Variants in AATF observed in about 807,000 individuals in gnomAD.
AATF encodes protein AATF.
In AATF, 48 loss-of-function variants were observed where a neutral mutation model predicts 63.7. The ratio of observed to expected loss-of-function variants is 0.75; its 90% CI spans 0.60 to 0.96. The LOEUF is 0.96. Ranked by LOEUF, AATF falls within the 40% of genes least tolerant of loss-of-function variation. The pLI is 0.00. For missense variants in AATF, 639 were observed against 685.7 expected (o/e 0.93, Z 0.76); for synonymous variants, 258 against 247.7 (o/e 1.04, Z -0.39).
intron 5 of AATF, among the ~76,000 whole-genome samples, chr17:36,987,055 G>A (rs972405960): frequency 1.3e-5 from 2 of 152,066 alleles, no homozygotes; most frequent in Admixed American, 1.3e-4. Context: ...TGATGTGATC[G>A]CAGCTCACTG....
intron 4 of AATF, among the ~76,000 whole-genome samples, chr17:36,961,363 T>A (rs868147892): frequency 1.2e-4 from 19 of 152,332 alleles, no homozygotes; most frequent in African/African-American, 4.1e-4. Context: ...TAATTTAAAA[T>A]TTTTTAATAA....
chr17:37,015,774 A>G (rs913769300), intron 8 of AATF, among the ~76,000 whole-genome samples: 1 of 152,156 alleles, frequency 6.6e-6, no homozygotes, highest in Non-Finnish European at 1.5e-5. Context: ...ATAGAATGGG[A>G]TGTTAGCTTT....
chr17:37,049,996 C>T (rs1346777712), intron 11 of AATF, among the ~76,000 whole-genome samples: 1 of 152,076 alleles, frequency 6.6e-6, no homozygotes, highest in Non-Finnish European at 1.5e-5. Context: ...AAATGGAGGG[C>T]TCATAGGAGT....
chr17:36,962,631 G>T (rs1258357103), intron 4 of AATF, among the ~76,000 whole-genome samples: 1 of 151,810 alleles, frequency 6.6e-6, no homozygotes, highest in Non-Finnish European at 1.5e-5. Flanking sequence ...GTGGCCCAGA[G>T]TAGCTCAGAA....
intron 4 of AATF, among the ~76,000 whole-genome samples, chr17:36,964,211 T>G (rs1365618081): frequency 1.4e-5 from 2 of 148,008 alleles, no homozygotes; most frequent in African/African-American, 5.2e-5. Context: ...ATCAGCGTGT[T>G]TGCATGTTGA....
chr17:37,053,780 C>G (rs868509706), intron 11 of AATF, among the ~76,000 whole-genome samples: 6 of 152,186 alleles, frequency 3.9e-5, no homozygotes, highest in African/African-American at 1.4e-4. Context: ...GCAGGAGAAT[C>G]GATTGAACCC....
chr17:36,982,494 C>T (rs1274549958), intron 4 of AATF, among the ~76,000 whole-genome samples: 2 of 152,124 alleles, frequency 1.3e-5, no homozygotes, highest in Non-Finnish European at 2.9e-5. Context: ...GCTGGGACTA[C>T]AGGCACGTGC....
intron 4 of AATF, among the ~76,000 whole-genome samples, chr17:36,970,584 G>A (rs2071032013): frequency 6.7e-6 from 1 of 148,740 alleles, no homozygotes; most frequent in Non-Finnish European, 1.5e-5. Context: ...CCTCTTTTGT[G>A]GAGGCTGAAA....
chr17:37,033,369 C>G (rs935641423), intron 11 of AATF, among the ~76,000 whole-genome samples: 9 of 152,050 alleles, frequency 5.9e-5, no homozygotes, highest in African/African-American at 2.2e-4. Flanking sequence ...TAAACCAAAC[C>G]CTTTAAGGTT....
intron 4 of AATF, among the ~76,000 whole-genome samples, chr17:36,983,409 G>A (rs553691239): frequency 6.6e-6 from 1 of 152,076 alleles, no homozygotes; most frequent in Non-Finnish European, 1.5e-5. Flanking sequence ...GTGCAGTGGT[G>A]CAGTCTTGGC....
At chr17:36,968,223 A>T (rs2411166) in intron 4 of AATF, among the ~76,000 whole-genome samples, 30,945 of 108,322 alleles carry the variant, frequency 0.29, 5,714 homozygotes, top group African/African-American at 0.55. Context: ...AGTTTTTAAA[A>T]TTTTCTTCTA....
chr17:37,030,658 A>G (rs1567990401), intron 10 of AATF, among the ~76,000 whole-genome samples: 1 of 152,200 alleles, frequency 6.6e-6, no homozygotes, highest in Admixed American at 6.5e-5. Context: ...AGATCTAGGA[A>G]TCAAACTTAC....
chr17:37,039,705 A>G (rs963597631), intron 11 of AATF, among the ~76,000 whole-genome samples: 2 of 152,212 alleles, frequency 1.3e-5, no homozygotes, highest in South Asian at 2.1e-4. Context: ...AATGTCAGAA[A>G]GGACAAAGGA....
intron 4 of AATF, among the ~76,000 whole-genome samples, chr17:36,963,349 T>G (rs985119524): frequency 2.0e-5 from 3 of 152,192 alleles, no homozygotes; most frequent in Non-Finnish European, 2.9e-5. Flanking sequence ...GGACGGTCCC[T>G]AAATTGAATC....
intron 4 of AATF, among the ~76,000 whole-genome samples, chr17:36,969,166 T>C (rs1231610575): frequency 1.3e-5 from 2 of 152,226 alleles, no homozygotes; most frequent in Non-Finnish European, 1.5e-5. Flanking sequence ...AAGCAATCTA[T>C]CTGCACCATT....
chr17:37,006,087 T>C (rs946054757), intron 8 of AATF, among the ~76,000 whole-genome samples: 3 of 151,934 alleles, frequency 2.0e-5, no homozygotes, highest in African/African-American at 7.3e-5. Context: ...CAGTGAACTA[T>C]GATTGTGCCG....
intron 8 of AATF, among the ~76,000 whole-genome samples, chr17:36,993,148 C>T (rs1329942209): frequency 6.6e-6 from 1 of 152,198 alleles, no homozygotes; most frequent in African/African-American, 2.4e-5. Flanking sequence ...ACTTACCACT[C>T]TTTGGCAGCG....
intron 4 of AATF, among the ~76,000 whole-genome samples, chr17:36,977,902 A>G (rs1341145619): frequency 2.0e-5 from 3 of 152,198 alleles, no homozygotes; most frequent in Non-Finnish European, 4.4e-5. Flanking sequence ...CAGGAAGTAC[A>G]TTGATCAGCT....
intron 11 of AATF, among the ~76,000 whole-genome samples, chr17:37,042,745 T>C: frequency 6.7e-6 from 1 of 148,154 alleles, no homozygotes; most frequent in African/African-American, 2.5e-5. Flanking sequence ...TTCTTTTTTT[T>C]TTTTTTTTCT....
Sources: allele counts gnomAD v4.1 joint callset (sites outside exome capture counted in the v4.1 genomes callset), GRCh38; gene constraint gnomAD v4.1.1; transcripts MANE v1.5; gene names NCBI Gene and HGNC (gene_info 2026-07-23, HGNC 2026-07-21).